The following EPHA6 variants were observed in gnomAD, a reference collection of about 807,000 sequenced individuals.
EPHA6 encodes EPH receptor A6, also known as ephrin type-A receptor 6.
A neutral mutation model predicts 112.0 loss-of-function variants in EPHA6; 50 were observed. The observed-to-expected ratio is 0.45, with a 90% CI of 0.36 to 0.56. The LOEUF (loss-of-function observed/expected upper bound fraction) is 0.56, where lower values mean the gene tolerates loss of function less well. Ranked by LOEUF, EPHA6 falls within the 20% of genes least tolerant of loss-of-function variation. The probability of loss-of-function intolerance (pLI) is 0.00; values close to 1 mark genes in which losing one functional copy is unlikely to be tolerated. For synonymous variants in EPHA6, 529 were observed against 490.7 expected, an observed-to-expected ratio of 1.08 and a Z score of -1.03; for missense variants, 1,280 against 1,417.4, an observed-to-expected ratio of 0.90 and a Z score of 1.56.
At chr3:97,678,673 T>C (rs2031607280) in intron 14 of EPHA6, among the ~76,000 whole-genome samples, 1 of 152,198 alleles carries the variant, frequency 6.6e-6, no homozygotes, top group African/African-American at 2.4e-5. Flanking sequence ...GTCTTCTGTA[T>C]GATTGTGTTT....
rs1437093820 is a variant in EPHA6, at chr3:97,755,636, G to T, written c.*6935G>T. On this transcript the variant is annotated 3_prime_UTR_variant, in exon 18 of 18. Coordinates refer to ENST00000389672, the MANE Select transcript of EPHA6 (RefSeq NM_001080448.3). Reference sequence around the variant, plus strand: ...TACATTATTATAGAAAAAATTCCAAGGATATAAGAATCATTTTTCATATAT... The same window carrying T: ...TACATTATTATAGAAAAAATTCCAATGATATAAGAATCATTTTTCATATAT... Among the ~76,000 whole-genome samples the T allele has an allele frequency of 6.6e-6, 1 of 151,992 alleles. No homozygotes were observed. The highest frequency in any genetic ancestry group is 2.4e-5 in the African/African-American group (1 of 41,406).
chr3:97,511,667 G>C (rs910156641), intron 10 of EPHA6, among the ~76,000 whole-genome samples: 1 of 152,064 alleles, frequency 6.6e-6, no homozygotes, highest in Non-Finnish European at 1.5e-5. Context: ...AGCATTGAAT[G>C]CCATATGAGT....
chr3:97,726,181 C>A (rs918115694), intron 15 of EPHA6, among the ~76,000 whole-genome samples: 1 of 152,024 alleles, frequency 6.6e-6, no homozygotes, highest in African/African-American at 2.4e-5. Context: ...TTATAAAGTA[C>A]AAGTAGCTTA....
chr3:97,691,078 C>T (rs1423218438), intron 14 of EPHA6, among the ~76,000 whole-genome samples: 3 of 152,078 alleles, frequency 2.0e-5, no homozygotes, highest in Non-Finnish European at 4.4e-5. Context: ...TTAGCTCTTA[C>T]GTTTAGATCC....
At chr3:97,517,858 G>T (rs1291958152) in intron 10 of EPHA6, among the ~76,000 whole-genome samples, 1 of 151,860 alleles carries the variant, frequency 6.6e-6, no homozygotes, top group South Asian at 2.1e-4. Flanking sequence ...TTGTCTTACT[G>T]TTTCTGGCTT....
intron 3 of EPHA6, among the ~76,000 whole-genome samples, chr3:97,157,625 CA>C (rs1483253260): frequency 6.6e-6 from 1 of 151,960 alleles, no homozygotes; most frequent in Non-Finnish European, 1.5e-5. Context: ...GCTGGAGACC[CA>C]GGACAGCCTA....
chr3:97,305,182 T>C (rs1444626339), intron 5 of EPHA6, among the ~76,000 whole-genome samples: 1 of 151,936 alleles, frequency 6.6e-6, no homozygotes, highest in African/African-American at 2.4e-5. Context: ...CACAATGAGA[T>C]ACCATCTCAT....
chr3:97,128,872 C>CTTTTT (rs377407255), intron 3 of EPHA6, among the ~76,000 whole-genome samples: 100 of 117,504 alleles, frequency 8.5e-4, no homozygotes, highest in Middle Eastern at 5.3e-3. Flanking sequence ...ATTTTTATGT[C>CTTTTT]TTTTTTTTTT....
At chr3:97,213,468 C>T (rs545480356) in intron 3 of EPHA6, among the ~76,000 whole-genome samples, 36 of 151,976 alleles carry the variant, frequency 2.4e-4, no homozygotes, top group Non-Finnish European at 4.4e-4. Flanking sequence ...AAAGAAAAAA[C>T]GGGTGGGGAA....
chr3:97,400,997 GT>G (rs2086960425), intron 5 of EPHA6, among the ~76,000 whole-genome samples: 1 of 151,658 alleles, frequency 6.6e-6, no homozygotes, highest in South Asian at 2.1e-4. Flanking sequence ...TATTATTTCA[GT>G]TCTTAAAGGA....
intron 10 of EPHA6, among the ~76,000 whole-genome samples, chr3:97,517,564 A>G (rs1178794767): frequency 1.3e-5 from 2 of 152,266 alleles, no homozygotes; most frequent in Admixed American, 6.5e-5. Context: ...TAATTAAAAA[A>G]TTTGTTACTT....
At chr3:97,492,716 G>T (rs2091880511) in intron 10 of EPHA6, among the ~76,000 whole-genome samples, 1 of 151,582 alleles carries the variant, frequency 6.6e-6, no homozygotes. Flanking sequence ...CAAATAAATT[G>T]TTGTTCAAAG....
intron 14 of EPHA6, among the ~76,000 whole-genome samples, chr3:97,718,466 T>G (rs1037185649): frequency 6.6e-6 from 1 of 152,218 alleles, no homozygotes; most frequent in African/African-American, 2.4e-5. Flanking sequence ...TGGTTTTTTT[T>G]AAGTATAAAT....
At chr3:97,275,121 C>A (rs1330455479) in intron 5 of EPHA6, among the ~76,000 whole-genome samples, 1 of 152,148 alleles carries the variant, frequency 6.6e-6, no homozygotes, top group Non-Finnish European at 1.5e-5. Context: ...GACAGAAAGG[C>A]TACAGGGTGT....
At chr3:97,244,521 C>T (rs1215420255) in intron 5 of EPHA6, 3 of 519,772 alleles carry the variant, frequency 5.8e-6, no homozygotes, top group Admixed American at 6.9e-5. Flanking sequence ...TGTTTATGTA[C>T]TCATGTATTT....
intron 10 of EPHA6, among the ~76,000 whole-genome samples, chr3:97,508,042 C>A (rs945049735): frequency 1.3e-5 from 2 of 151,954 alleles, no homozygotes; most frequent in Non-Finnish European, 2.9e-5. Context: ...CTATTTGATT[C>A]TTTTCTCTTT....
chr3:97,647,238 A>G (rs1421810518), intron 14 of EPHA6, among the ~76,000 whole-genome samples: 3 of 152,184 alleles, frequency 2.0e-5, no homozygotes, highest in East Asian at 1.9e-4. Context: ...CAAAGGGATT[A>G]TTGAGAACAG....
intron 3 of EPHA6, among the ~76,000 whole-genome samples, chr3:97,062,785 TC>T (rs966245334): frequency 6.6e-6 from 1 of 152,146 alleles, no homozygotes; most frequent in Non-Finnish European, 1.5e-5. Context: ...TTGTGAGGCC[TC>T]CCCAGCCACA....
intron 5 of EPHA6, among the ~76,000 whole-genome samples, chr3:97,334,700 A>G (rs985628805): frequency 6.6e-6 from 1 of 152,076 alleles, no homozygotes; most frequent in Non-Finnish European, 1.5e-5. Context: ...ATAGCTATCA[A>G]CATGGTCTCT....
Sources: allele counts gnomAD v4.1 joint callset (sites outside exome capture counted in the v4.1 genomes callset), GRCh38; gene constraint gnomAD v4.1.1; transcripts MANE v1.5; gene names NCBI Gene and HGNC (gene_info 2026-07-23, HGNC 2026-07-21).